DDHD2: variants seen among roughly 807,000 people sequenced by gnomAD.
DDHD2 encodes the protein DDHD domain containing 2, also known as triacylglycerol hydrolase DDHD2.
A neutral mutation model predicts 91.2 loss-of-function variants in DDHD2; 62 were observed. The observed-to-expected ratio is 0.68, with a 90% confidence interval of 0.55 to 0.84. The LOEUF (loss-of-function observed/expected upper bound fraction) is 0.84. Among genes scored for constraint, DDHD2 ranks in the 40% least tolerant of loss-of-function variants. The pLI is 0.00. For missense variants in DDHD2, 740 were observed against 846.9 expected (o/e 0.87, Z 1.57); for synonymous variants, 271 against 293.9 (o/e 0.92, Z 0.80).
intron 10 of DDHD2, among the ~76,000 whole-genome samples, chr8:38,249,471 T>C (rs1471191284): frequency 6.6e-6 from 1 of 151,840 alleles, no homozygotes; most frequent in Non-Finnish European, 1.5e-5. Flanking sequence ...TTTTTTTTTT[T>C]TTAACAATAA....
intron 13 of DDHD2, 77 bp from the exon 14 acceptor site, chr8:38,252,641 CAAAA>C (rs200837621): frequency 8.4e-4 from 607 of 722,048 alleles, no homozygotes; most frequent in Middle Eastern, 1.7e-3. Context: ...GACCTCATCT[CAAAA>C]AAAAAAAAAA....
chr8:38,243,262 C>T (rs1805380213), intron 7 of DDHD2, among the ~76,000 whole-genome samples: 4 of 152,156 alleles, frequency 2.6e-5, no homozygotes, highest in Admixed American at 1.3e-4. Context: ...ATTTTGTCAG[C>T]GTGGTCTTCC....
rs771662667 is a variant in DDHD2, at chr8:38,238,217, T to C, written c.622+8T>C. 1 of 1,613,530 alleles carries C rather than the reference T, an allele frequency of 6.2e-7. No homozygotes were observed. Among genetic ancestry groups the C allele is most frequent in the Admixed American group, 1.7e-5 (1 of 59,958 alleles). On this transcript the variant is annotated splice_region_variant and intron_variant, in intron 5 of 17. Coordinates refer to ENST00000397166, the MANE Select transcript of DDHD2 (RefSeq NM_015214.3). ...CTGTTGACATTCATTGTGGTAATGT[T>C]AATCGTTTATTTTTTCTTACCTTTG...
At chr8:38,238,334 T>C in intron 5 of DDHD2, 125 bp downstream of exon 5, 1 of 1,472,518 alleles carries the variant, frequency 6.8e-7, no homozygotes, top group Non-Finnish European at 9.0e-7. Flanking sequence ...TATGGGTTTA[T>C]TCCAAGTTGA....
chr8:38,233,859 G>A (rs2130737512), intron 2 of DDHD2, among the ~76,000 whole-genome samples: 1 of 151,748 alleles, frequency 6.6e-6, no homozygotes, highest in Middle Eastern at 3.4e-3. Flanking sequence ...AACCCGGGAG[G>A]CGGAGGTTAC....
chr8:38,245,313 T>C (rs1805537600), intron 7 of DDHD2, among the ~76,000 whole-genome samples: 1 of 152,028 alleles, frequency 6.6e-6, no homozygotes, highest in Non-Finnish European at 1.5e-5. Context: ...ATGCCTGCAA[T>C]TCCAGCTATT....
intron 16 of DDHD2, among the ~76,000 whole-genome samples, chr8:38,257,339 C>T (rs2130873927): frequency 6.8e-6 from 1 of 146,400 alleles, no homozygotes; most frequent in South Asian, 2.2e-4. Context: ...ACCTCTGCCT[C>T]CCAGGTTCAA....
chr8:38,252,247 G>C lies in DDHD2; in HGVS notation c.1577G>C (p.Arg526Thr). ...RGLKRIDPNYRFPTCKGFFNI... is the reference protein window; with the variant it reads ...RGLKRIDPNYTFPTCKGFFNI... ...CTAAAAAGAATTGATCCCAACTACA[G>C]ATTTCCAACGTGCAAAGGTTTCTTC... The change falls in exon 13 of 18, where the codon AGA becomes ACA. Residue 526 changes from arginine to threonine, a missense_variant. Physicochemically the swap from Arg to Thr is moderately conservative, Grantham distance 71 (BLOSUM62 -1). This residue lies in a region of DDHD2 where 693 missense variants were observed against 764.2 expected (regional missense o/e 0.91). Coordinates refer to ENST00000397166, the MANE Select transcript of DDHD2 (RefSeq NM_015214.3). The C allele has an allele frequency of 6.2e-7, 1 of 1,614,026 alleles. No individual in the cohort carries two copies.
At chr8:38,239,956 CT>C (rs1267881169) in intron 5 of DDHD2, among the ~76,000 whole-genome samples, 1 of 151,596 alleles carries the variant, frequency 6.6e-6, no homozygotes, top group East Asian at 2.0e-4. Flanking sequence ...AACTCCTGAC[CT>C]CATGATCTAC....
chr8:38,261,233 TG>T lies in DDHD2; in HGVS notation c.*661del, dbSNP rs1563319171. 6.6e-6 allele frequency: 1 copy of T among 152,252 alleles called. No homozygotes were observed. Among genetic ancestry groups the T allele is most frequent in the Non-Finnish European group, 1.5e-5 (1 of 68,044 alleles). The allele number at this position is 152,252 out of a possible 1,614,324, so 9.4% of individuals were successfully genotyped here. On this transcript the variant is annotated 3_prime_UTR_variant, in exon 18 of 18. Transcript: ENST00000397166. ...CACTGATGTTCATTGTTTTTGCAAC[TG>T]TTTGAGCTGCTGTAAGAGTCTAAAG...
intron 16 of DDHD2, among the ~76,000 whole-genome samples, chr8:38,256,484 T>C (rs1401196549): frequency 1.3e-5 from 2 of 151,734 alleles, no homozygotes; most frequent in African/African-American, 2.4e-5. Context: ...CTGGGCCTAA[T>C]TTTTTTTAAA....
intron 4 of DDHD2, 121 bp downstream of exon 4, chr8:38,237,748 T>G: frequency 1.7e-6 from 1 of 588,022 alleles, no homozygotes; most frequent in Non-Finnish European, 2.9e-6. Context: ...TTATATTGAA[T>G]TCACAGTTAT....
intron 16 of DDHD2, among the ~76,000 whole-genome samples, chr8:38,255,931 T>G (rs551328442): frequency 2.2e-4 from 33 of 152,356 alleles, no homozygotes; most frequent in African/African-American, 7.2e-4. Context: ...GTTGTACCTT[T>G]TTATACTCCC....
At chr8:38,262,839 TTC>T (rs771366160), downstream of DDHD2, 5 of 152,222 alleles carry the variant, frequency 3.3e-5, no homozygotes, top group Non-Finnish European at 7.3e-5. Flanking sequence ...AGTCACGATT[TTC>T]TCTGTCTTTA....
chr8:38,252,882 C>A, intron 14 of DDHD2, 58 bp downstream of exon 14: 1 of 1,604,970 alleles, frequency 6.2e-7, no homozygotes, highest in South Asian at 1.1e-5. Context: ...CAAAGGGCAT[C>A]ATTCACTCTG....
In DDHD2 at chr8:38,253,596, A is replaced by C; in HGVS notation, c.1932A>C (p.Glu644Asp). 6.2e-7 allele frequency: 1 copy of C among 1,614,128 alleles called. No homozygotes were observed. Among genetic ancestry groups the C allele is most frequent in the Non-Finnish European group, 8.5e-7 (1 of 1,179,978 alleles). The change falls in exon 16 of 18, where the codon GAA becomes GAC. Residue 644 changes from glutamate (E) to aspartate (D), a missense_variant. Glu to Asp is a conservative substitution (Grantham distance 45, BLOSUM62 2). Coordinates refer to ENST00000397166, the MANE Select transcript of DDHD2 (RefSeq NM_015214.3). ...AGACCTCTGTGGCAGTTAAAGAAGA[A>C]GTCCTGCCTATCAATGTGGGGATGC... ...TEETSVAVKE[E>D]VLPINVGMLN...
chr8:38,234,242 A>G (rs1804521617), intron 2 of DDHD2, 152 bp from the exon 3 acceptor site: 3 of 476,354 alleles, frequency 6.3e-6, no homozygotes, highest in Non-Finnish European at 1.1e-5. Flanking sequence ...TGAAAAAGAT[A>G]TGAATTAAAT....
chr8:38,250,262 TC>T (rs1170073165), intron 11 of DDHD2: 1 of 18,244 alleles, frequency 5.5e-5, no homozygotes, highest in East Asian at 2.3e-3. Context: ...TTTTTTACAT[TC>T]TTTTTTTTTT....
chr8:38,266,974 A>G, downstream of DDHD2: 1 of 1,194,786 alleles, frequency 8.4e-7, no homozygotes, highest in Non-Finnish European at 1.1e-6. Context: ...CCTGACACAT[A>G]GAAACTCTTC....
Sources: gnomAD v4.1 joint callset for allele counts (sites outside exome capture counted in the v4.1 genomes callset) on GRCh38, gnomAD v4.1.1 for gene constraint, gnomAD v4.1.1 regional missense constraint, MANE v1.5 for transcripts, NCBI Gene and HGNC (gene_info 2026-07-23, HGNC 2026-07-21) for gene names.